Variants in TBC1D5 observed in about 807,000 individuals in gnomAD.
TBC1D5 encodes the protein TBC1 domain family member 5.
TBC1D5 carries 75 observed loss-of-function variants against 100.3 expected under a neutral mutation model. The ratio of observed to expected loss-of-function variants is 0.75; its 90% confidence interval spans 0.62 to 0.91. The LOEUF is 0.91. Among genes scored for constraint, TBC1D5 ranks in the 40% least tolerant of loss-of-function variants. The pLI is 0.00. For missense variants in TBC1D5, 910 were observed against 942.4 expected (o/e 0.97, Z 0.45); for synonymous variants, 323 against 325.6 (o/e 0.99, Z 0.09).
At chr3:17,427,649 T>C (rs1255837180) in intron 4 of TBC1D5, among the ~76,000 whole-genome samples, 1 of 151,950 alleles carries the variant, frequency 6.6e-6, no homozygotes. Flanking sequence ...AGGACAATGT[T>C]GACCAATTAA....
At chr3:17,482,913 T>C (rs1052153232) in intron 3 of TBC1D5, among the ~76,000 whole-genome samples, 1 of 152,168 alleles carries the variant, frequency 6.6e-6, no homozygotes, top group East Asian at 1.9e-4. Context: ...ATTCGCCTTA[T>C]GTCCTACATG....
chr3:17,553,014 G>A (rs1009126866), intron 2 of TBC1D5, among the ~76,000 whole-genome samples: 4 of 152,076 alleles, frequency 2.6e-5, no homozygotes, highest in Non-Finnish European at 5.9e-5. Flanking sequence ...AAAATATACT[G>A]TTATTATACA....
chr3:17,556,070 A>G (rs1343275919), intron 2 of TBC1D5, among the ~76,000 whole-genome samples: 1 of 151,962 alleles, frequency 6.6e-6, no homozygotes, highest in African/African-American at 2.4e-5. Flanking sequence ...TCACCCAGGC[A>G]GTGGCGCAAT....
intron 2 of TBC1D5, among the ~76,000 whole-genome samples, chr3:17,608,915 G>T (rs1243105830): frequency 6.6e-6 from 1 of 152,128 alleles, no homozygotes; most frequent in Non-Finnish European, 1.5e-5. Context: ...GCTGCCAAAA[G>T]TGAGAGCAGT....
At chr3:17,268,941 G>C (rs1364160854) in intron 15 of TBC1D5, among the ~76,000 whole-genome samples, 1 of 151,946 alleles carries the variant, frequency 6.6e-6, no homozygotes, top group Non-Finnish European at 1.5e-5. Context: ...AATATGTTCG[G>C]GGTAGTAGTC....
chr3:17,310,943 G>C (rs2083959806), intron 13 of TBC1D5, among the ~76,000 whole-genome samples: 1 of 151,882 alleles, frequency 6.6e-6, no homozygotes, highest in African/African-American at 2.4e-5. Flanking sequence ...ATCCCAATTG[G>C]ATTTAGTTCT....
chr3:17,598,744 A>G (rs369787932), intron 2 of TBC1D5, among the ~76,000 whole-genome samples: 2 of 152,244 alleles, frequency 1.3e-5, no homozygotes, highest in African/African-American at 4.8e-5. Flanking sequence ...TTAAAACCAG[A>G]GACAAAACAG....
intron 2 of TBC1D5, among the ~76,000 whole-genome samples, chr3:17,563,217 A>G (rs1202826870): frequency 1.3e-5 from 2 of 152,234 alleles, no homozygotes; most frequent in Admixed American, 6.5e-5. Flanking sequence ...ATTTAATTCT[A>G]GACTCGTCAA....
chr3:17,700,985 T>C (rs948008139), intron 1 of TBC1D5, among the ~76,000 whole-genome samples: 1 of 152,180 alleles, frequency 6.6e-6, no homozygotes, highest in African/African-American at 2.4e-5. Context: ...ACTAGGTATA[T>C]ACCCAAAGGA....
In TBC1D5 at chr3:17,479,315, AT is replaced by A. The variant is rs1157820353; in HGVS notation, c.97+29158del. Among the ~76,000 whole-genome samples the A allele has an allele frequency of 2.0e-5, 3 of 152,310 alleles. No individual in the cohort carries two copies. The East Asian group carries it at 5.8e-4, about 29-fold the overall frequency. On this transcript the variant is annotated intron_variant, in intron 3 of 21. Transcript: ENST00000253692. ...CTACTCCAGAGACTGAGAAAAGAAG[AT>A]CACTTGAGCCCAGAAGGTTGAGACT...
At chr3:17,520,690 A>C (rs997287200) in intron 2 of TBC1D5, among the ~76,000 whole-genome samples, 5 of 152,174 alleles carry the variant, frequency 3.3e-5, no homozygotes, top group African/African-American at 1.2e-4. Context: ...AATAAATATA[A>C]GTAAATAATG....
intron 13 of TBC1D5, among the ~76,000 whole-genome samples, chr3:17,329,072 G>T (rs547848969): frequency 6.6e-6 from 1 of 152,316 alleles, no homozygotes; most frequent in East Asian, 1.9e-4. Context: ...AAACATTTCT[G>T]CAAGCACCAC....
chr3:17,506,062 T>C (rs1355135788), intron 3 of TBC1D5, among the ~76,000 whole-genome samples: 2 of 152,226 alleles, frequency 1.3e-5, no homozygotes, highest in African/African-American at 2.4e-5. Context: ...AGTGTTTAAA[T>C]ACTTAGAAAA....
chr3:17,622,999 T>C (rs564429589), intron 2 of TBC1D5, among the ~76,000 whole-genome samples: 4 of 152,354 alleles, frequency 2.6e-5, no homozygotes, highest in South Asian at 4.1e-4. Context: ...TAACTGTCTG[T>C]CTACTCCTGG....
At chr3:17,271,551 G>A (rs770948670) in intron 15 of TBC1D5, among the ~76,000 whole-genome samples, 1 of 152,120 alleles carries the variant, frequency 6.6e-6, no homozygotes, top group Non-Finnish European at 1.5e-5. Context: ...TGCCAGAGAA[G>A]AGAGATACTC....
intron 1 of TBC1D5, among the ~76,000 whole-genome samples, chr3:17,696,782 C>T (rs2072180971): frequency 2.0e-5 from 3 of 152,188 alleles, no homozygotes; most frequent in Admixed American, 2.0e-4. Context: ...GATACCAAAG[C>T]CTGGCAGAGA....
intron 2 of TBC1D5, among the ~76,000 whole-genome samples, chr3:17,617,489 T>A (rs2062272376): frequency 6.6e-6 from 1 of 152,194 alleles, no homozygotes; most frequent in Admixed American, 6.5e-5. Flanking sequence ...CTGAAGACTG[T>A]TTTCCAACTT....
At chr3:17,510,838 T>C (rs1470044042) in intron 2 of TBC1D5, among the ~76,000 whole-genome samples, 1 of 152,016 alleles carries the variant, frequency 6.6e-6, no homozygotes, top group African/African-American at 2.4e-5. Context: ...AACTGATTTA[T>C]CTTTGTCAAT....
chr3:17,732,522 C>T (rs2076648558), intron 1 of TBC1D5, among the ~76,000 whole-genome samples: 1 of 151,902 alleles, frequency 6.6e-6, no homozygotes, highest in Non-Finnish European at 1.5e-5. Flanking sequence ...AGTTCAAGAA[C>T]AGCCTGACCA....
Sources: gnomAD v4.1 joint callset for allele counts (sites outside exome capture counted in the v4.1 genomes callset) on GRCh38, gnomAD v4.1.1 for gene constraint, MANE v1.5 for transcripts, NCBI Gene and HGNC (gene_info 2026-07-23, HGNC 2026-07-21) for gene names.